The following DMGDH variants were observed in gnomAD, a reference collection of about 807,000 sequenced individuals.
DMGDH encodes the protein dimethylglycine dehydrogenase, mitochondrial.
A neutral mutation model predicts 95.2 loss-of-function variants in DMGDH; 76 were observed. The observed-to-expected ratio is 0.80, with a 90% CI of 0.66 to 0.97. The LOEUF is 0.97. Among genes scored for constraint, DMGDH ranks in the 50% least tolerant of loss-of-function variants. The pLI is 0.00. For synonymous variants in DMGDH, 345 were observed against 377.6 expected, an observed-to-expected ratio of 0.91 and a Z score of 1.00; for missense variants, 987 against 1,055.0, an observed-to-expected ratio of 0.94 and a Z score of 0.89.
intron 14 of DMGDH, among the ~76,000 whole-genome samples, chr5:79,023,863 T>A (rs538608038): frequency 3.3e-5 from 5 of 152,342 alleles, no homozygotes; most frequent in African/African-American, 1.2e-4. Context: ...ACACTGTGAG[T>A]ATCCAGAAGG....
chr5:79,039,570 G>C (rs1230402227), intron 7 of DMGDH, among the ~76,000 whole-genome samples: 1 of 152,094 alleles, frequency 6.6e-6, no homozygotes, highest in Non-Finnish European at 1.5e-5. Context: ...GGTCAGGGGA[G>C]TGGGGAGGGA....
intron 14 of DMGDH, among the ~76,000 whole-genome samples, chr5:79,022,076 A>G (rs535062586): frequency 2.0e-5 from 3 of 152,246 alleles, no homozygotes; most frequent in Non-Finnish European, 1.5e-5. Flanking sequence ...CTAAGGGCCA[A>G]CCAGAGAATT....
chr5:79,030,822 A>G lies in DMGDH; in HGVS notation c.1683+11T>C, dbSNP rs1466801496. 6 of 1,613,798 alleles carry G rather than the reference A, an allele frequency of 3.7e-6. No individual in the cohort carries two copies. On this transcript the variant is annotated intron_variant, in intron 10 of 15. Coordinates refer to ENST00000255189, the MANE Select transcript of DMGDH (RefSeq NM_013391.3). Reference sequence around the variant, plus strand: ...GAATCCTGGACCTTGTATCCCTACAAGGCTATTTACCTTTGGAATGACATT... The same window carrying G: ...GAATCCTGGACCTTGTATCCCTACAGGGCTATTTACCTTTGGAATGACATT...
chr5:79,037,707 T>A (rs1386267074), intron 7 of DMGDH, among the ~76,000 whole-genome samples: 1 of 152,220 alleles, frequency 6.6e-6, no homozygotes, highest in Non-Finnish European at 1.5e-5. Context: ...AACTTCCTAC[T>A]TTCTTTAGCA....
chr5:79,038,555 A>G (rs1561220294), intron 7 of DMGDH, among the ~76,000 whole-genome samples: 2 of 152,244 alleles, frequency 1.3e-5, no homozygotes, highest in Non-Finnish European at 2.9e-5. Context: ...TTGAGAGTCT[A>G]GAAATCAACC....
chr5:79,055,836 C>A lies in DMGDH; in HGVS notation c.349G>T (p.Glu117Ter). 6.2e-7 allele frequency: 1 copy of A among 1,610,984 alleles called. No individual in the cohort carries two copies. The highest frequency in any genetic ancestry group is 1.1e-5 in the South Asian group (1 of 90,988). ...TGACCAGTTTCTTCTTCCAGTTTCT[C>A]ATAAAGTTTGATGCTATCATAATGT... ...KIHYDSIKLY[E>*]KLEEETGQVV... Residue 117 changes from glutamate (E) to a stop codon, truncating the protein, a stop_gained, in exon 3 of 16, where the codon GAG becomes TAG. Transcript: ENST00000255189. LOFTEE classifies it high-confidence loss of function.
At chr5:79,067,219 C>A (rs756195130) in intron 1 of DMGDH, among the ~76,000 whole-genome samples, 17 of 152,148 alleles carry the variant, frequency 1.1e-4, no homozygotes, top group Admixed American at 3.3e-4. Context: ...CATGTTTCAG[C>A]AGTTTTGTTT....
intron 14 of DMGDH, among the ~76,000 whole-genome samples, chr5:79,016,539 A>C (rs1704343505): frequency 6.6e-6 from 1 of 152,228 alleles, no homozygotes; most frequent in South Asian, 2.1e-4. Context: ...GATATGTAAG[A>C]CCTGTATACT....
chr5:79,063,797 G>A lies in DMGDH; in HGVS notation c.102-10C>T. ...GGGTGGTTTTTCCTCTCTGGAAGAG[G>A]GAAAGTTAAAATGGGAACTTCAATC... On this transcript the variant is annotated splice_polypyrimidine_tract_variant and intron_variant, in intron 1 of 15. Coordinates refer to ENST00000255189, the MANE Select transcript of DMGDH (RefSeq NM_013391.3). 1.2e-6 allele frequency: 2 copies of A among 1,614,004 alleles called. No individual in the cohort carries two copies. Among genetic ancestry groups the A allele is most frequent in the Middle Eastern group, 1.7e-4 (1 of 6,060 alleles).
chr5:79,069,135 C>T (rs1755468204), intron 1 of DMGDH, among the ~76,000 whole-genome samples: 1 of 150,812 alleles, frequency 6.6e-6, no homozygotes, highest in South Asian at 2.1e-4. Context: ...AACTATGCAG[C>T]CATTAAAAGG....
At chr5:79,010,762 C>T (rs1025388470) in intron 14 of DMGDH, among the ~76,000 whole-genome samples, 3 of 152,168 alleles carry the variant, frequency 2.0e-5, no homozygotes, top group African/African-American at 7.2e-5. Flanking sequence ...CGTGTAACAT[C>T]CTCTGTCCCA....
At chr5:79,029,752 T>A in intron 11 of DMGDH, 152 bp downstream of exon 11, 2 of 833,860 alleles carry the variant, frequency 2.4e-6, no homozygotes, top group South Asian at 3.9e-5. Context: ...CTTCAAATAT[T>A]TTTGTATTAA....
At chr5:79,011,132 C>G (rs1753642182) in intron 14 of DMGDH, among the ~76,000 whole-genome samples, 3 of 152,162 alleles carry the variant, frequency 2.0e-5, no homozygotes. Flanking sequence ...AAGCCATAAA[C>G]TGGATTCATT....
intron 14 of DMGDH, among the ~76,000 whole-genome samples, chr5:79,014,628 C>G (rs772955483): frequency 9.2e-5 from 14 of 152,126 alleles, no homozygotes; most frequent in Admixed American, 1.3e-4. Flanking sequence ...AGTTCCTTTA[C>G]TCTAAATGAC....
At chr5:79,050,786 C>A (rs1754829591) in intron 5 of DMGDH, among the ~76,000 whole-genome samples, 1 of 151,968 alleles carries the variant, frequency 6.6e-6, no homozygotes, top group African/African-American at 2.4e-5. Flanking sequence ...CGTAACAGAA[C>A]AACAAAAAGA....
In DMGDH at chr5:79,054,296, C is replaced by T. The variant is rs754596643; in HGVS notation, c.428G>A (p.Arg143Lys). ...CATTTGATATTTAAATTCATCTACCCTTACAGGGGTGGTAGCAAGTCTGAT... is the reference window on the plus strand; with the variant it reads ...CATTTGATATTTAAATTCATCTACCTTTACAGGGGTGGTAGCAAGTCTGAT... ...GSIRLATTPVRVDEFKYQMTR... is the reference protein window; with the variant it reads ...GSIRLATTPVKVDEFKYQMTR... Residue 143 changes from arginine (R) to lysine (K), a missense_variant, in exon 4 of 16, where the codon AGG becomes AAG. By Grantham distance (26) the Arg-to-Lys change is conservative. Coordinates refer to ENST00000255189, the MANE Select transcript of DMGDH (RefSeq NM_013391.3). 2.5e-6 allele frequency: 4 copies of T among 1,614,062 alleles called. No homozygotes were observed. The highest frequency in any genetic ancestry group is 3.3e-5 in the Admixed American group (2 of 60,000).
At chr5:79,045,574 A>G (rs1232026097) in intron 5 of DMGDH, among the ~76,000 whole-genome samples, 1 of 152,112 alleles carries the variant, frequency 6.6e-6, no homozygotes, top group African/African-American at 2.4e-5. Context: ...TCACTGTATA[A>G]AGGGATTTTA....
intron 14 of DMGDH, among the ~76,000 whole-genome samples, chr5:79,012,836 A>G (rs1395231856): frequency 6.6e-6 from 1 of 152,238 alleles, no homozygotes; most frequent in Non-Finnish European, 1.5e-5. Flanking sequence ...ATGCCATGCA[A>G]GGCAGTGGGG....
At chr5:79,026,402 T>C in intron 13 of DMGDH, 22 bp downstream of exon 13, 2 of 1,614,004 alleles carry the variant, frequency 1.2e-6, no homozygotes, top group Middle Eastern at 1.6e-4. Flanking sequence ...AAAATGTTAA[T>C]AAAGATGCTA....
Sources: gnomAD v4.1 joint callset for allele counts (sites outside exome capture counted in the v4.1 genomes callset) on GRCh38, gnomAD v4.1.1 for gene constraint, MANE v1.5 for transcripts, NCBI Gene and HGNC (gene_info 2026-07-23, HGNC 2026-07-21) for gene names.